LYPD6: variants seen among roughly 807,000 people sequenced by gnomAD.
LYPD6 encodes LY6/PLAUR domain containing 6.
A neutral mutation model predicts 22.7 loss-of-function variants in LYPD6; 15 were observed. The ratio of observed to expected loss-of-function variants is 0.66; its 90% CI spans 0.44 to 1.02. The LOEUF (loss-of-function observed/expected upper bound fraction) is 1.02. Among genes scored for constraint, LYPD6 ranks in the 50% least tolerant of loss-of-function variants. The probability of loss-of-function intolerance (pLI) is 0.00; values close to 1 mark genes in which losing one functional copy is unlikely to be tolerated. For synonymous variants in LYPD6, 72 were observed against 77.5 expected (o/e 0.93, Z 0.37); for missense variants, 189 against 208.4 (o/e 0.91, Z 0.57).
chr2:149,465,087 C>T (rs1241414464), intron 3 of LYPD6, among the ~76,000 whole-genome samples: 1 of 152,082 alleles, frequency 6.6e-6, no homozygotes, highest in Non-Finnish European at 1.5e-5. Flanking sequence ...TTTGATGAGG[C>T]CACTTGAGTG....
chr2:149,341,506 C>T (rs576414266), intron 1 of LYPD6, among the ~76,000 whole-genome samples: 53 of 152,192 alleles, frequency 3.5e-4, no homozygotes, highest in Non-Finnish European at 6.3e-4. Flanking sequence ...ATAGAGTAAG[C>T]CCTCAGTCAA....
At chr2:149,331,344 G>T (rs148946241) in intron 1 of LYPD6, among the ~76,000 whole-genome samples, 5 of 152,272 alleles carry the variant, frequency 3.3e-5, no homozygotes, top group Middle Eastern at 3.4e-3. Context: ...TTTTCTCTCC[G>T]GTAACAGCAG....
intron 1 of LYPD6, among the ~76,000 whole-genome samples, chr2:149,336,930 TGTGTGTGTGTGTG>T (rs1681045863): frequency 6.6e-6 from 1 of 150,820 alleles, no homozygotes; most frequent in African/African-American, 2.4e-5. Context: ...TGAAATAACG[TGTGTGTGTGTGTG>T]TGTGTGTGTG....
At chr2:149,335,672 C>T (rs1336689087) in intron 1 of LYPD6, among the ~76,000 whole-genome samples, 1 of 152,206 alleles carries the variant, frequency 6.6e-6, no homozygotes, top group Non-Finnish European at 1.5e-5. Flanking sequence ...GCCACTCACT[C>T]ACTCACCCAG....
intron 3 of LYPD6, among the ~76,000 whole-genome samples, chr2:149,460,383 G>T (rs571834619): frequency 2.6e-5 from 4 of 151,970 alleles, no homozygotes. Context: ...ATTACCAGAG[G>T]CAGAGAGGAA....
intron 1 of LYPD6, among the ~76,000 whole-genome samples, chr2:149,413,194 A>G (rs1271866133): frequency 1.3e-5 from 2 of 152,120 alleles, no homozygotes; most frequent in Non-Finnish European, 2.9e-5. Flanking sequence ...GGTCCTCCAG[A>G]CACCCTCTGT....
chr2:149,432,382 G>A (rs914435826), intron 1 of LYPD6, among the ~76,000 whole-genome samples: 6 of 152,160 alleles, frequency 3.9e-5, no homozygotes, highest in African/African-American at 1.2e-4. Flanking sequence ...AACATAGTAT[G>A]TTCATACAAT....
At chr2:149,354,900 T>G (rs888615661) in intron 1 of LYPD6, among the ~76,000 whole-genome samples, 1 of 152,202 alleles carries the variant, frequency 6.6e-6, no homozygotes, top group Admixed American at 6.5e-5. Flanking sequence ...ATGTGCAGAT[T>G]TGTTTGCCTT....
At chr2:149,354,998 G>T (rs1475313497) in intron 1 of LYPD6, among the ~76,000 whole-genome samples, 1 of 152,178 alleles carries the variant, frequency 6.6e-6, no homozygotes, top group Non-Finnish European at 1.5e-5. Flanking sequence ...GTGTTATGAA[G>T]TAGCCACTAG....
chr2:149,440,647 C>A (rs1396693496), intron 2 of LYPD6, among the ~76,000 whole-genome samples: 1 of 146,710 alleles, frequency 6.8e-6, no homozygotes, highest in Non-Finnish European at 1.5e-5. Context: ...AGTGAAGTTA[C>A]TATGAATGGC....
chr2:149,439,271 C>T (rs1683503564), intron 2 of LYPD6, among the ~76,000 whole-genome samples: 1 of 152,096 alleles, frequency 6.6e-6, no homozygotes, highest in South Asian at 2.1e-4. Flanking sequence ...TAGTCTGGTG[C>T]CCACTGGTTA....
At chr2:149,450,901 C>G (rs999517306) in intron 3 of LYPD6, among the ~76,000 whole-genome samples, 4 of 152,204 alleles carry the variant, frequency 2.6e-5, no homozygotes, top group African/African-American at 9.7e-5. Context: ...ACAGTGACTT[C>G]AGGCAAAACC....
chr2:149,390,597 A>G (rs1161639309), intron 1 of LYPD6, among the ~76,000 whole-genome samples: 3 of 151,958 alleles, frequency 2.0e-5, no homozygotes, highest in African/African-American at 7.3e-5. Context: ...AGCATTGCCC[A>G]CTCCTCAGTC....
intron 1 of LYPD6, among the ~76,000 whole-genome samples, chr2:149,388,595 T>G (rs1223960872): frequency 6.7e-6 from 1 of 150,362 alleles, no homozygotes; most frequent in African/African-American, 2.5e-5. Context: ...TTAATGCTTG[T>G]GGAACTCTCA....
chr2:149,483,002 G>T, the LYPD6 span, among the ~76,000 whole-genome samples: 3 of 152,224 alleles, frequency 2.0e-5, no homozygotes, highest in East Asian at 1.9e-4. Context: ...CTCCAAAGGT[G>T]ACTACTTCAG....
At chr2:149,390,474 A>G (rs2105097457) in intron 1 of LYPD6, among the ~76,000 whole-genome samples, 1 of 152,256 alleles carries the variant, frequency 6.6e-6, no homozygotes, top group South Asian at 2.1e-4. Context: ...CTGTGGTTCC[A>G]TTTAATTGTA....
At chr2:149,337,714 G>A (rs12623049) in intron 1 of LYPD6, among the ~76,000 whole-genome samples, 39,347 of 152,004 alleles carry the variant, frequency 0.26, 6,970 homozygotes, top group East Asian at 0.54. Context: ...GGGATTTGGT[G>A]TACAGATTAT....
intron 1 of LYPD6, among the ~76,000 whole-genome samples, chr2:149,389,691 C>T (rs755027692): frequency 6.6e-6 from 1 of 152,110 alleles, no homozygotes. Context: ...TATTTTTGGT[C>T]TGTAAGCTCT....
At chr2:149,480,814 G>T in the LYPD6 span, among the ~76,000 whole-genome samples, 2 of 152,162 alleles carry the variant, frequency 1.3e-5, no homozygotes, top group South Asian at 4.2e-4. Context: ...CCAAGGCCAT[G>T]CCCCCTTCCC....
Sources: allele counts gnomAD v4.1 joint callset (sites outside exome capture counted in the v4.1 genomes callset), GRCh38; gene constraint gnomAD v4.1.1; transcripts MANE v1.5; gene names NCBI Gene and HGNC (gene_info 2026-07-23, HGNC 2026-07-21).